The following CDYL variants were observed in gnomAD, a reference collection of about 807,000 sequenced individuals.
The protein encoded by CDYL is chromodomain Y-like protein.
Under a neutral mutation model 47.3 loss-of-function variants are expected in CDYL, and 8 were observed. The observed-to-expected ratio is 0.17, with a 90% confidence interval of 0.10 to 0.31. The LOEUF (loss-of-function observed/expected upper bound fraction) is 0.31, where lower values mean the gene tolerates loss of function less well. Ranked by LOEUF, CDYL falls within the 10% of genes least tolerant of loss-of-function variation. CDYL has a pLI of 1.00. For synonymous variants in CDYL, 266 were observed against 265.0 expected (o/e 1.00, Z -0.04); for missense variants, 471 against 701.4 (o/e 0.67, Z 3.71).
chr6:4,902,095 T>C (rs1046921900), intron 2 of CDYL, among the ~76,000 whole-genome samples: 1 of 152,016 alleles, frequency 6.6e-6, no homozygotes, highest in Non-Finnish European at 1.5e-5. Flanking sequence ...CCAGGGCTAG[T>C]AACAATAGAA....
chr6:4,842,991 G>T (rs867131165), intron 1 of CDYL, among the ~76,000 whole-genome samples: 1 of 152,126 alleles, frequency 6.6e-6, no homozygotes, highest in South Asian at 2.1e-4. Context: ...TTATTGTAGC[G>T]CTGGCTTGGT....
intron 1 of CDYL, among the ~76,000 whole-genome samples, chr6:4,859,433 G>C (rs1458614840): frequency 3.3e-5 from 5 of 152,120 alleles, no homozygotes; most frequent in Non-Finnish European, 7.3e-5. Context: ...AGAAGAAGAA[G>C]TGGATGGAGT....
chr6:4,765,168 G>A (rs1758233372), intron 3 of CDYL, among the ~76,000 whole-genome samples: 1 of 151,938 alleles, frequency 6.6e-6, no homozygotes, highest in Admixed American at 6.6e-5. Context: ...CTAAAGTACA[G>A]AAAATCAGCC....
chr6:4,816,773 G>A (rs757233095), intron 1 of CDYL, among the ~76,000 whole-genome samples: 17 of 152,170 alleles, frequency 1.1e-4, no homozygotes, highest in Non-Finnish European at 2.4e-4. Context: ...ACAGGCATGA[G>A]CCACTGTGCC....
intron 1 of CDYL, among the ~76,000 whole-genome samples, chr6:4,827,391 T>C (rs565985541): frequency 1.3e-5 from 2 of 152,338 alleles, no homozygotes; most frequent in African/African-American, 4.8e-5. Context: ...TTAGTTGATC[T>C]TTTTTCTTTT....
chr6:4,870,895 G>C (rs1761454604), intron 1 of CDYL, among the ~76,000 whole-genome samples: 1 of 151,994 alleles, frequency 6.6e-6, no homozygotes, highest in African/African-American at 2.4e-5. Flanking sequence ...TTTTCCTTTA[G>C]TTCATTAAAC....
intron 1 of CDYL, among the ~76,000 whole-genome samples, chr6:4,822,897 G>A (rs1253317355): frequency 6.6e-6 from 1 of 152,200 alleles, no homozygotes; most frequent in Non-Finnish European, 1.5e-5. Flanking sequence ...TGCATGTCCA[G>A]TACCACCTTG....
rs189910345 is a variant in CDYL at position 4,901,976 on chromosome 6, C to G, written c.691+9597C>G. Among the ~76,000 whole-genome samples the G allele has an allele frequency of 2.0e-3, 297 of 152,274 alleles. 2 individuals carry two copies. The highest frequency in any genetic ancestry group is 6.9e-3 in the African/African-American group (287 of 41,554). ...CTGCCACCCTGACCTCTCAGCTGAC[C>G]AGACAGAAAAGGGGCTTCTCTTCCT... On this transcript the variant is annotated intron_variant, in intron 2 of 6. Coordinates refer to ENST00000397588, the MANE Select transcript of CDYL (RefSeq NM_004824.4).
intron 2 of CDYL, among the ~76,000 whole-genome samples, chr6:4,917,861 G>C (rs1238398593): frequency 3.3e-5 from 5 of 152,222 alleles, no homozygotes; most frequent in Non-Finnish European, 7.3e-5. Context: ...TCTGCCCTCT[G>C]TGAGGTGAAC....
At chr6:4,932,556 T>A (rs2127517681) in intron 2 of CDYL, among the ~76,000 whole-genome samples, 1 of 152,330 alleles carries the variant, frequency 6.6e-6, no homozygotes, top group South Asian at 2.1e-4. Context: ...ATGCTGCTTT[T>A]TGTGCTTGGA....
At chr6:4,768,313 G>A (rs1201722891) in intron 3 of CDYL, among the ~76,000 whole-genome samples, 2 of 152,224 alleles carry the variant, frequency 1.3e-5, no homozygotes, top group Non-Finnish European at 2.9e-5. Flanking sequence ...TTTCAACAAA[G>A]AGGAACCAAG....
intron 2 of CDYL, among the ~76,000 whole-genome samples, chr6:4,915,898 C>G (rs1249494773): frequency 6.6e-6 from 1 of 152,190 alleles, no homozygotes; most frequent in African/African-American, 2.4e-5. Flanking sequence ...TTCCACACCT[C>G]CATATCTAAA....
At chr6:4,779,957 T>G (rs965993339) in intron 1 of CDYL, among the ~76,000 whole-genome samples, 5 of 151,972 alleles carry the variant, frequency 3.3e-5, no homozygotes, top group Non-Finnish European at 7.4e-5. Flanking sequence ...CACATTTGTG[T>G]TTTTTTTCCA....
chr6:4,807,562 T>G (rs534551160), intron 1 of CDYL, among the ~76,000 whole-genome samples: 1 of 151,330 alleles, frequency 6.6e-6, no homozygotes, highest in South Asian at 2.1e-4. Context: ...GGAGAAGCTA[T>G]TCCTTCTCTG....
chr6:4,843,038 G>A (rs139960086), intron 1 of CDYL, among the ~76,000 whole-genome samples: 3 of 152,186 alleles, frequency 2.0e-5, no homozygotes, highest in African/African-American at 2.4e-5. Flanking sequence ...TTAAAAAGAC[G>A]GTATCTTTTC....
At chr6:4,760,966 A>G (rs1252567195) in intron 3 of CDYL, among the ~76,000 whole-genome samples, 1 of 151,974 alleles carries the variant, frequency 6.6e-6, no homozygotes, top group Non-Finnish European at 1.5e-5. Flanking sequence ...GAAATTTAGC[A>G]TGTTCTCAAT....
Position 4,836,708 on chromosome 6 carries a change from T to C in CDYL, c.25-55005T>C, listed in dbSNP as rs1581201085. On this transcript the variant is annotated intron_variant, in intron 1 of 6. Transcript: ENST00000397588. ...AAGAGGCAGAAAAGAACTGTTTATA[T>C]TGAATTTAGGGGCTGTTTCAGGCCT... is the stretch of plus-strand genomic sequence containing the variant. Among the ~76,000 whole-genome samples the C allele has an allele frequency of 2.6e-5, 4 of 152,320 alleles. No individual in the cohort carries two copies. The South Asian group carries it at 6.2e-4, about 24-fold the overall frequency.
chr6:4,780,690 C>G (rs988426779), intron 1 of CDYL, among the ~76,000 whole-genome samples: 12 of 152,050 alleles, frequency 7.9e-5, no homozygotes, highest in Admixed American at 7.9e-4. Context: ...ATGGCATTAG[C>G]GTGTAAAAGC....
chr6:4,774,210 ATG>A (rs1203249262), upstream of CDYL, among the ~76,000 whole-genome samples: 1 of 152,196 alleles, frequency 6.6e-6, no homozygotes, highest in Non-Finnish European at 1.5e-5. Context: ...TATATGTTAT[ATG>A]TATCTATTTC....
Sources: allele counts gnomAD v4.1 joint callset (sites outside exome capture counted in the v4.1 genomes callset), GRCh38; gene constraint gnomAD v4.1.1; transcripts MANE v1.5; gene names NCBI Gene and HGNC (gene_info 2026-07-23, HGNC 2026-07-21).